Variants in DCAF6 observed in about 807,000 individuals in gnomAD.
DCAF6 encodes DDB1 and CUL4 associated factor 6.
Under a neutral mutation model 125.1 loss-of-function variants are expected in DCAF6, and 54 were observed. That is an observed-to-expected ratio of 0.43 (90% CI 0.35 to 0.54). DCAF6 has a LOEUF of 0.54. Among genes scored for constraint, DCAF6 ranks in the 20% least tolerant of loss-of-function variants. DCAF6 has a pLI of 0.01. For synonymous variants in DCAF6, 371 were observed against 390.4 expected, an observed-to-expected ratio of 0.95 and a Z score of 0.58; for missense variants, 934 against 1,161.7, an observed-to-expected ratio of 0.80 and a Z score of 2.85.
chr1:167,899,159 C>G, the DCAF6 span, among the ~76,000 whole-genome samples: 1 of 152,154 alleles, frequency 6.6e-6, no homozygotes, highest in African/African-American at 2.4e-5. Flanking sequence ...AGGTCGCTAG[C>G]CCCTCAAAAG....
chr1:168,046,747 A>G (rs1689193525), intron 16 of DCAF6, among the ~76,000 whole-genome samples: 1 of 152,152 alleles, frequency 6.6e-6, no homozygotes, highest in Non-Finnish European at 1.5e-5. Flanking sequence ...AATCAAACTG[A>G]TAATTTCCAA....
At position 167,993,289 on chromosome 1, in the gene DCAF6, A is replaced by G; in HGVS notation, c.752A>G (p.Asn251Ser). ...CGTTTTATTCCTTCCCATCTTAATA[A>G]TAAGTCCTGCAGAGTGACATCTCTG... ...VARFIPSHLN[N>S]KSCRVTSLCY... is the part of the protein sequence containing the mutation. Residue 251 changes from asparagine (N) to serine (S), a missense_variant, in exon 7 of 22, where the codon AAT (asparagine) becomes AGT (serine). This residue lies in a region of DCAF6 where 309 missense variants were observed against 381.2 expected (regional missense o/e 0.81). Transcript: ENST00000367840. 6.2e-7 allele frequency: 1 copy of G among 1,614,068 alleles called. No individual in the cohort carries two copies. Among genetic ancestry groups the G allele is most frequent in the Non-Finnish European group, 8.5e-7 (1 of 1,179,962 alleles).
At chr1:167,912,326 G>A in the DCAF6 span, among the ~76,000 whole-genome samples, 1 of 152,174 alleles carries the variant, frequency 6.6e-6, no homozygotes, top group Non-Finnish European at 1.5e-5. Context: ...AGCAAATGAA[G>A]GCCATTAGAA....
intron 1 of DCAF6, among the ~76,000 whole-genome samples, chr1:167,949,844 G>A (rs1413482733): frequency 3.3e-5 from 5 of 152,100 alleles, no homozygotes; most frequent in Non-Finnish European, 7.4e-5. Context: ...ATTTTGTGGT[G>A]GGTTTTTGCT....
intron 10 of DCAF6, among the ~76,000 whole-genome samples, 160 bp downstream of exon 10, chr1:168,004,953 TTA>T (rs1471336088): frequency 1.3e-5 from 2 of 152,224 alleles, no homozygotes; most frequent in African/African-American, 2.4e-5. Context: ...CAAAAATTAA[TTA>T]TGTCTTACTT....
intron 21 of DCAF6, among the ~76,000 whole-genome samples, chr1:168,071,964 C>T (rs1693096322): frequency 6.6e-6 from 1 of 152,126 alleles, no homozygotes; most frequent in Non-Finnish European, 1.5e-5. Flanking sequence ...CCCAGGACTT[C>T]ACATACAATT....
At position 167,972,608 on chromosome 1, in the gene DCAF6, A is replaced by T. The variant is rs558305438; in HGVS notation, c.253-2222A>T. ...AGAGGGAAAGATGACTCAGGCACAG[A>T]TAATGACATTGGAGTTGGTGAAAAG... On this transcript the variant is annotated intron_variant, in intron 3 of 21. Transcript: ENST00000367840. 3.9e-5 allele frequency among the ~76,000 whole-genome samples: 6 copies of T among 152,356 alleles called. No homozygotes were observed. In the South Asian group the frequency reaches 1.2e-3, roughly 32 times the overall value.
chr1:167,893,939 G>A, the DCAF6 span: 1 of 1,612,356 alleles, frequency 6.2e-7, no homozygotes, highest in Non-Finnish European at 8.5e-7. Context: ...AGCCTCAGGA[G>A]GTCTAAGAAG....
At chr1:167,980,136 G>A (rs769403115) in intron 4 of DCAF6, among the ~76,000 whole-genome samples, 4 of 151,756 alleles carry the variant, frequency 2.6e-5, no homozygotes, top group Non-Finnish European at 4.4e-5. Flanking sequence ...AGCTGAGATC[G>A]TGTCACTGCA....
intron 10 of DCAF6, among the ~76,000 whole-genome samples, chr1:168,015,350 T>G (rs1571947114): frequency 6.6e-6 from 1 of 152,270 alleles, no homozygotes; most frequent in South Asian, 2.1e-4. Context: ...ATGCATAAGT[T>G]TTTATCCTTT....
the DCAF6 span, among the ~76,000 whole-genome samples, chr1:167,897,416 G>C: frequency 2.7e-5 from 4 of 150,758 alleles, no homozygotes; most frequent in Admixed American, 2.7e-4. Flanking sequence ...AGAATCGCTT[G>C]AGACTGGGAG....
chr1:168,072,945 G>A (rs1324731504), intron 21 of DCAF6, among the ~76,000 whole-genome samples: 1 of 152,116 alleles, frequency 6.6e-6, no homozygotes, highest in Non-Finnish European at 1.5e-5. Flanking sequence ...AAAGCAATTT[G>A]ACATTGCTAC....
In DCAF6 at chr1:168,068,839, T is replaced by C. The variant is rs113567309; in HGVS notation, c.2791+376T>C. Among the ~76,000 whole-genome samples, 446 of 152,284 alleles carry C rather than the reference T, an allele frequency of 2.9e-3. 1 individual carries two copies. Among genetic ancestry groups the C allele is most frequent in the African/African-American group, 0.01 (424 of 41,578 alleles). On this transcript the variant is annotated intron_variant, in intron 21 of 21. Transcript: ENST00000367840. The stretch of plus-strand genomic sequence containing the variant: ...GCTAAGAAATGAAACATACCTCAGT[T>C]TGCTTTTTGAATATTTTTTTGTTTT...
chr1:167,940,242 A>C (rs1672024185), intron 1 of DCAF6, among the ~76,000 whole-genome samples: 1 of 152,252 alleles, frequency 6.6e-6, no homozygotes, highest in Non-Finnish European at 1.5e-5. Context: ...GTTTACTTAG[A>C]GCTCCCAAAT....
At chr1:167,899,524 T>A in the DCAF6 span, 1 of 1,614,240 alleles carries the variant, frequency 6.2e-7, no homozygotes, top group Non-Finnish European at 8.5e-7. Flanking sequence ...ATCTGAGCCA[T>A]GTTCTGGGCA....
chr1:167,927,053 A>C, the DCAF6 span, among the ~76,000 whole-genome samples: 5 of 152,214 alleles, frequency 3.3e-5, no homozygotes, highest in Non-Finnish European at 7.3e-5. Context: ...ATCTTCCTTG[A>C]CAAATAATAG....
chr1:168,062,382 TC>T (rs1691708799), intron 17 of DCAF6, among the ~76,000 whole-genome samples: 1 of 152,192 alleles, frequency 6.6e-6, no homozygotes, highest in South Asian at 2.1e-4. Flanking sequence ...TTTTCAACTT[TC>T]CCGTATATGT....
intron 11 of DCAF6, among the ~76,000 whole-genome samples, chr1:168,016,796 A>G (rs538955143): frequency 6.6e-6 from 1 of 152,208 alleles, no homozygotes; most frequent in Admixed American, 6.5e-5. Flanking sequence ...TTATTTAGGA[A>G]CAAGAATGTC....
chr1:167,904,942 A>T, the DCAF6 span: 1 of 1,613,842 alleles, frequency 6.2e-7, no homozygotes, highest in Admixed American at 1.7e-5. Flanking sequence ...GTGAATTCCC[A>T]CGCGAGCCTG....
Sources: allele counts gnomAD v4.1 joint callset (sites outside exome capture counted in the v4.1 genomes callset), GRCh38; gene constraint gnomAD v4.1.1; regional missense constraint gnomAD v4.1.1; transcripts MANE v1.5; gene names NCBI Gene and HGNC (gene_info 2026-07-23, HGNC 2026-07-21).